ATP8A1: variants seen among roughly 807,000 people sequenced by gnomAD.
ATP8A1 encodes ATPase phospholipid transporting 8A1, also known as phospholipid-transporting ATPase IA.
ATP8A1 carries 90 observed loss-of-function variants against 177.7 expected under a neutral mutation model. The observed-to-expected ratio is 0.51, with a 90% CI of 0.43 to 0.60. The LOEUF (loss-of-function observed/expected upper bound fraction) is 0.60. Ranked by LOEUF, ATP8A1 falls within the 20% of genes least tolerant of loss-of-function variation. The pLI, the probability that ATP8A1 is intolerant of heterozygous loss-of-function variation, is 0.00. For synonymous variants in ATP8A1, 493 were observed against 485.9 expected (o/e 1.01, Z -0.19); for missense variants, 1,072 against 1,392.8 (o/e 0.77, Z 3.67).
rs1733090618 is a variant in ATP8A1, at chr4:42,581,661, C to T, written c.794G>A (p.Gly265Glu). ...AQLRNTQWVH[G>E]IVVYTGHDTK... Reference sequence around the variant, plus strand: ...GTCATGTCCAGTGTAGACAACTATTCCATGAACCCACTGTGTATTTCTCAA... The same window carrying T: ...GTCATGTCCAGTGTAGACAACTATTTCATGAACCCACTGTGTATTTCTCAA... The change falls in exon 10 of 37, where the codon GGA becomes GAA. Residue 265 changes from glycine to glutamate, a missense_variant. Gly to Glu is a moderately conservative substitution (Grantham distance 98, BLOSUM62 -2). Around this residue, in one of 5 missense-constraint regions of ATP8A1, gnomAD observed 344 missense variants for 393.5 expected, o/e 0.87. Coordinates refer to ENST00000381668, the MANE Select transcript of ATP8A1 (RefSeq NM_006095.2). 3 of 1,614,110 alleles carry T rather than the reference C, an allele frequency of 1.9e-6. No homozygotes were observed. The highest frequency in any genetic ancestry group is 2.5e-6 in the Non-Finnish European group (3 of 1,179,982).
intron 24 of ATP8A1, among the ~76,000 whole-genome samples, chr4:42,497,867 C>T (rs1349179115): frequency 6.6e-6 from 1 of 152,184 alleles, no homozygotes; most frequent in African/African-American, 2.4e-5. Flanking sequence ...CTGAGAGCTA[C>T]TTGGAGTAAG....
intron 1 of ATP8A1, chr4:42,637,066 T>C (rs1439310060): frequency 7.9e-6 from 4 of 506,868 alleles, no homozygotes; most frequent in East Asian, 5.5e-5. Context: ...CCAACACCCA[T>C]CTAATGTAGG....
At chr4:42,601,333 G>A (rs963998863) in intron 5 of ATP8A1, among the ~76,000 whole-genome samples, 12 of 149,682 alleles carry the variant, frequency 8.0e-5, no homozygotes, top group Non-Finnish European at 1.8e-4. Context: ...ACCGCGCCTG[G>A]CCCTAAAAAT....
chr4:42,613,814 C>A (rs952511292), intron 5 of ATP8A1, among the ~76,000 whole-genome samples: 3 of 151,918 alleles, frequency 2.0e-5, no homozygotes, highest in African/African-American at 7.3e-5. Flanking sequence ...GAACTCCTGA[C>A]CTCTGGCGAT....
chr4:42,586,495 T>G lies in ATP8A1; in HGVS notation c.595-19A>C. On this transcript the variant is annotated intron_variant, in intron 8 of 36. Coordinates refer to ENST00000381668, the MANE Select transcript of ATP8A1 (RefSeq NM_006095.2). ...GTAAGCCCTGTTTGGAATTTTTAAA[T>G]AAGCAAAAAGTATATTAAATAAGTT... The G allele has an allele frequency of 6.2e-7, 1 of 1,610,248 alleles. No homozygotes were observed.
intron 5 of ATP8A1, among the ~76,000 whole-genome samples, chr4:42,603,462 T>A (rs775401953): frequency 4.7e-4 from 72 of 152,210 alleles, no homozygotes; most frequent in South Asian, 1.0e-3. Context: ...TATGGTTTTT[T>A]TAACTTTTAT....
intron 9 of ATP8A1, 129 bp from the exon 10 acceptor site, chr4:42,581,861 TCCCC>T: frequency 1.5e-6 from 1 of 671,722 alleles, no homozygotes; most frequent in Non-Finnish European, 2.5e-6. Flanking sequence ...GAAAGTAATT[TCCCC>T]CCAGTACAAA....
intron 20 of ATP8A1, among the ~76,000 whole-genome samples, chr4:42,543,089 T>C (rs767438723): frequency 1.8e-4 from 27 of 152,178 alleles, no homozygotes; most frequent in Admixed American, 6.5e-5. Context: ...CATCATGAAA[T>C]AATTCTACCA....
Position 42,594,792 on chromosome 4 carries a change from A to G in ATP8A1, c.451-3908T>C, listed in dbSNP as rs1352534448. 2.6e-5 allele frequency among the ~76,000 whole-genome samples: 4 copies of G among 152,144 alleles called. No homozygotes were observed. The East Asian group carries it at 5.8e-4, about 22-fold the overall frequency. On this transcript the variant is annotated intron_variant, in intron 6 of 36. Coordinates refer to ENST00000381668, the MANE Select transcript of ATP8A1 (RefSeq NM_006095.2). ...GCTTATAACTCATCATTTGGAGAGA[A>G]AGAAAATGAGTTTGAGATTCTGAGA... is the stretch of plus-strand genomic sequence containing the variant.
intron 33 of ATP8A1, among the ~76,000 whole-genome samples, chr4:42,442,989 C>T (rs1716796312): frequency 6.6e-6 from 1 of 152,162 alleles, no homozygotes; most frequent in South Asian, 2.1e-4. Context: ...CCCATGAACA[C>T]CTAATAACTC....
intron 20 of ATP8A1, among the ~76,000 whole-genome samples, chr4:42,540,719 G>C (rs1433978886): frequency 6.8e-6 from 1 of 148,096 alleles, no homozygotes; most frequent in African/African-American, 2.6e-5. Flanking sequence ...TTATATGTGA[G>C]AGCTAAAAAA....
intron 1 of ATP8A1, among the ~76,000 whole-genome samples, chr4:42,637,448 C>T (rs1482519929): frequency 1.3e-5 from 2 of 152,190 alleles, no homozygotes; most frequent in Non-Finnish European, 2.9e-5. Context: ...CCTCCAAGTC[C>T]ATCTGAGTTA....
chr4:42,624,088 T>A (rs77769276), intron 4 of ATP8A1, among the ~76,000 whole-genome samples: 4 of 151,900 alleles, frequency 2.6e-5, no homozygotes, highest in Admixed American at 2.6e-4. Context: ...TACTTTCTTT[T>A]AAAAAAATGA....
chr4:42,608,626 G>T (rs1461661369), intron 5 of ATP8A1, among the ~76,000 whole-genome samples: 1 of 152,126 alleles, frequency 6.6e-6, no homozygotes, highest in Non-Finnish European at 1.5e-5. Flanking sequence ...CCAAAGTGCT[G>T]GGATTACAGG....
intron 16 of ATP8A1, among the ~76,000 whole-genome samples, chr4:42,555,588 G>A (rs538466681): frequency 1.3e-5 from 2 of 152,136 alleles, no homozygotes; most frequent in African/African-American, 4.8e-5. Context: ...ACTTTGGGAG[G>A]CTGAGGGGGT....
At chr4:42,616,566 C>T (rs1483068385) in intron 4 of ATP8A1, among the ~76,000 whole-genome samples, 1 of 152,170 alleles carries the variant, frequency 6.6e-6, no homozygotes, top group African/African-American at 2.4e-5. Context: ...TAATGATATG[C>T]TGATGTCGGC....
intron 23 of ATP8A1, among the ~76,000 whole-genome samples, chr4:42,506,108 T>C (rs1724340746): frequency 6.6e-6 from 1 of 152,112 alleles, no homozygotes; most frequent in Non-Finnish European, 1.5e-5. Flanking sequence ...AGGAGGTAAT[T>C]AGGTTTCAAT....
chr4:42,617,529 C>A (rs911961180), intron 4 of ATP8A1, among the ~76,000 whole-genome samples: 2 of 152,136 alleles, frequency 1.3e-5, no homozygotes, highest in African/African-American at 4.8e-5. Context: ...TGAAAATATT[C>A]TTTTTGCTTG....
intron 35 of ATP8A1, among the ~76,000 whole-genome samples, chr4:42,421,991 C>A (rs1713999785): frequency 6.6e-6 from 1 of 152,006 alleles, no homozygotes; most frequent in South Asian, 2.1e-4. Flanking sequence ...TAATTCACTT[C>A]ATATATGATA....
Sources: allele counts gnomAD v4.1 joint callset (sites outside exome capture counted in the v4.1 genomes callset), GRCh38; gene constraint gnomAD v4.1.1; regional missense constraint gnomAD v4.1.1; transcripts MANE v1.5; gene names NCBI Gene and HGNC (gene_info 2026-07-23, HGNC 2026-07-21).